The following HTR2C variants were observed in gnomAD, a reference collection of about 807,000 sequenced individuals.
HTR2C encodes 5-hydroxytryptamine (serotonin) receptor 2C, G protein-coupled.
HTR2C carries 5 observed loss-of-function variants against 21.0 expected under a neutral mutation model. The ratio of observed to expected loss-of-function variants is 0.24; its 90% CI spans 0.12 to 0.50. The LOEUF (loss-of-function observed/expected upper bound fraction) is 0.50, where lower values mean the gene tolerates loss of function less well. Among genes scored for constraint, HTR2C ranks in the 20% least tolerant of loss-of-function variants. HTR2C has a pLI of 0.98. For missense variants in HTR2C, 271 were observed against 371.2 expected, an observed-to-expected ratio of 0.73 and a Z score of 2.22; for synonymous variants, 150 against 145.3, an observed-to-expected ratio of 1.03 and a Z score of -0.23.
intron 4 of HTR2C, among the ~76,000 whole-genome samples, chrX:114,759,398 G>T (rs782777136): frequency 1.8e-5 from 2 of 110,863 alleles, no homozygotes; most frequent in Non-Finnish European, 3.8e-5. Context: ...TTTTGTGGTC[G>T]CTCTGCTAGT....
Position 114,882,778 on chromosome X carries a change from T to C in HTR2C, c.551-23811T>C, listed in dbSNP as rs2071191728. 3.6e-5 allele frequency among the ~76,000 whole-genome samples: 4 copies of C among 110,278 alleles called. No individual in the cohort carries two copies. The South Asian group carries it at 1.5e-3, about 41-fold the overall frequency. On this transcript the variant is annotated intron_variant, in intron 5 of 5. Transcript: ENST00000276198. ...TTTGTGTCCATATTCCTAAGAAATA[T>C]TTATCCGTAGTTTTCTTGTGTTGTC...
At chrX:114,851,054 A>C (rs1187718281) in intron 5 of HTR2C, among the ~76,000 whole-genome samples, 1 of 111,888 alleles carries the variant, frequency 8.9e-6, no homozygotes, top group African/African-American at 3.2e-5. Context: ...TAAGGTAATA[A>C]ATTTGTATGT....
At chrX:114,845,972 C>A (rs2070870837) in intron 4 of HTR2C, among the ~76,000 whole-genome samples, 1 of 110,333 alleles carries the variant, frequency 9.1e-6, no homozygotes, top group African/African-American at 3.3e-5. Context: ...ATTATTACAC[C>A]ACTGCAAACT....
chrX:114,661,213 G>T (rs1161948006), intron 2 of HTR2C, among the ~76,000 whole-genome samples: 4 of 111,142 alleles, frequency 3.6e-5, no homozygotes, highest in Admixed American at 2.9e-4. Context: ...CCAGCACTTT[G>T]GGAGGCCGAG....
intron 5 of HTR2C, among the ~76,000 whole-genome samples, chrX:114,881,768 A>T (rs1199950933): frequency 1.8e-5 from 2 of 110,404 alleles, no homozygotes; most frequent in African/African-American, 3.3e-5. Flanking sequence ...AAAATCAGGT[A>T]GTGCGAGTCC....
At chrX:114,726,272 G>A (rs900726094) in intron 2 of HTR2C, among the ~76,000 whole-genome samples, 2 of 112,361 alleles carry the variant, frequency 1.8e-5, no homozygotes, top group African/African-American at 6.5e-5. Context: ...GGAGTGACCC[G>A]ATTTTCCAGG....
chrX:114,843,742 A>G (rs782453692), intron 4 of HTR2C, among the ~76,000 whole-genome samples: 1 of 111,625 alleles, frequency 9.0e-6, no homozygotes, highest in Non-Finnish European at 1.9e-5. Context: ...CAAGCATCTC[A>G]TCAAATACAA....
chrX:114,724,950 T>G (rs1933392834), intron 2 of HTR2C, among the ~76,000 whole-genome samples: 1 of 110,220 alleles, frequency 9.1e-6, no homozygotes, highest in East Asian at 2.9e-4. Context: ...CCTTTAACAT[T>G]TTTTCCTTCA....
intron 2 of HTR2C, among the ~76,000 whole-genome samples, chrX:114,672,331 G>T (rs1193165736): frequency 3.6e-5 from 4 of 110,684 alleles, no homozygotes; most frequent in African/African-American, 1.3e-4. Flanking sequence ...GTTAAAAGTG[G>T]CAGTGAGCTA....
chrX:114,776,594 A>G (rs1167840816), intron 4 of HTR2C: 7 of 521,370 alleles, frequency 1.3e-5, no homozygotes, highest in Admixed American at 2.5e-5. Context: ...GGTGGGGTTC[A>G]TTGCAGCTTG....
intron 2 of HTR2C, among the ~76,000 whole-genome samples, chrX:114,701,342 C>T (rs78251171): frequency 1.8e-5 from 2 of 111,134 alleles, no homozygotes; most frequent in East Asian, 2.8e-4. Context: ...CTCACATGGC[C>T]GGGTACTCCT....
At chrX:114,644,107 C>T (rs1556406935) in intron 2 of HTR2C, among the ~76,000 whole-genome samples, 1 of 107,943 alleles carries the variant, frequency 9.3e-6, no homozygotes, top group Non-Finnish European at 1.9e-5. Flanking sequence ...CTTTGGGAGG[C>T]GGAGGCAGGC....
At chrX:114,665,774 C>G (rs782567539) in intron 2 of HTR2C, among the ~76,000 whole-genome samples, 11 of 110,897 alleles carry the variant, frequency 9.9e-5, no homozygotes, top group Non-Finnish European at 1.9e-4. Context: ...GTCTCGCTGT[C>G]TCAGGGGTGG....
chrX:114,776,815 GAC>G (rs1290034984), intron 4 of HTR2C: 1 of 239,619 alleles, frequency 4.2e-6, no homozygotes, highest in Non-Finnish European at 7.6e-6. Context: ...TACAAAGAAA[GAC>G]ACAGAAACCT....
intron 4 of HTR2C, among the ~76,000 whole-genome samples, chrX:114,806,314 T>C (rs781981371): frequency 1.1e-5 from 1 of 92,676 alleles, no homozygotes; most frequent in African/African-American, 4.1e-5. Flanking sequence ...ATATATACAC[T>C]ACATATATAC....
intron 2 of HTR2C, among the ~76,000 whole-genome samples, chrX:114,685,733 C>T (rs1931891439): frequency 9.0e-6 from 1 of 110,719 alleles, no homozygotes; most frequent in Non-Finnish European, 1.9e-5. Context: ...CACTTTAGAA[C>T]AAAAAAGAGT....
intron 2 of HTR2C, among the ~76,000 whole-genome samples, chrX:114,709,625 T>C (rs1358241982): frequency 8.9e-6 from 1 of 111,997 alleles, no homozygotes; most frequent in Non-Finnish European, 1.9e-5. Context: ...TTTGTCCTTG[T>C]AACAGCAGAC....
chrX:114,743,311 T>C (rs1483368407), intron 4 of HTR2C, among the ~76,000 whole-genome samples: 1 of 110,743 alleles, frequency 9.0e-6, no homozygotes, highest in East Asian at 2.8e-4. Flanking sequence ...CCACACTGAC[T>C]TCCTGTTGGT....
chrX:114,699,780 A>C (rs1205359748), intron 2 of HTR2C, among the ~76,000 whole-genome samples: 2 of 111,808 alleles, frequency 1.8e-5, no homozygotes, highest in African/African-American at 6.5e-5. Context: ...GATTTTGAAA[A>C]ACCTTTCCAT....
Sources: allele counts gnomAD v4.1 joint callset (sites outside exome capture counted in the v4.1 genomes callset), GRCh38; gene constraint gnomAD v4.1.1; transcripts MANE v1.5; gene names NCBI Gene and HGNC (gene_info 2026-07-23, HGNC 2026-07-21).